Variants in NKAIN3 observed in about 807,000 individuals in gnomAD.
NKAIN3 encodes the protein sodium/potassium-transporting ATPase subunit beta-1-interacting protein 3.
NKAIN3 carries 25 observed loss-of-function variants against 30.2 expected under a neutral mutation model. The ratio of observed to expected loss-of-function variants is 0.83; its 90% CI spans 0.60 to 1.16. NKAIN3 has a LOEUF of 1.16. Ranked by LOEUF, NKAIN3 falls within the 50% of genes most tolerant of loss-of-function variation. NKAIN3 has a pLI of 0.00. For missense variants in NKAIN3, 225 were observed against 254.1 expected, an observed-to-expected ratio of 0.89 and a Z score of 0.78; for synonymous variants, 91 against 89.6, an observed-to-expected ratio of 1.02 and a Z score of -0.09.
At chr8:62,713,361 C>G (rs956813468) in intron 3 of NKAIN3, among the ~76,000 whole-genome samples, 1 of 152,188 alleles carries the variant, frequency 6.6e-6, no homozygotes, top group Non-Finnish European at 1.5e-5. Flanking sequence ...AGAACTACAG[C>G]ATTTGCACAT....
chr8:62,737,864 T>C (rs575108289), intron 3 of NKAIN3, among the ~76,000 whole-genome samples: 1 of 152,316 alleles, frequency 6.6e-6, no homozygotes, highest in African/African-American at 2.4e-5. Flanking sequence ...GATCTGCTGG[T>C]ATGAGCTTCA....
chr8:62,478,702 A>G (rs1806599557), intron 1 of NKAIN3, among the ~76,000 whole-genome samples: 1 of 152,336 alleles, frequency 6.6e-6, no homozygotes, highest in Non-Finnish European at 1.5e-5. Context: ...GAAAGGTTTT[A>G]AAAAATATTT....
intron 4 of NKAIN3, among the ~76,000 whole-genome samples, chr8:62,881,243 A>G (rs967875709): frequency 6.6e-6 from 1 of 152,238 alleles, no homozygotes; most frequent in Non-Finnish European, 1.5e-5. Flanking sequence ...AGTATCATAC[A>G]GAATAGTTTC....
At chr8:62,586,145 C>T (rs1036558280) in intron 2 of NKAIN3, among the ~76,000 whole-genome samples, 5 of 152,158 alleles carry the variant, frequency 3.3e-5, no homozygotes, top group East Asian at 1.9e-4. Context: ...TGCAAATGCT[C>T]ATGTGCAAAG....
chr8:62,793,308 T>C lies in NKAIN3; in HGVS notation c.471+46179T>C, dbSNP rs114353185. Reference sequence around the variant, plus strand: ...TTGCTGGTTTTTTTGTAAATTTCATTTTTCTTTCTCCGTCAATTGACATTT... The same window carrying C: ...TTGCTGGTTTTTTTGTAAATTTCATCTTTCTTTCTCCGTCAATTGACATTT... On this transcript the variant is annotated intron_variant, in intron 4 of 6. Transcript: ENST00000623646. Among the ~76,000 whole-genome samples the C allele has an allele frequency of 5.3e-3, 801 of 152,184 alleles. 6 individuals are homozygous for C. Among genetic ancestry groups the C allele is most frequent in the African/African-American group, 0.018 (732 of 41,532 alleles).
intron 1 of NKAIN3, among the ~76,000 whole-genome samples, chr8:62,403,766 G>A (rs1407697113): frequency 2.0e-5 from 3 of 152,220 alleles, no homozygotes; most frequent in Admixed American, 6.5e-5. Flanking sequence ...GAAATGTGGG[G>A]TCAGAGCCCC....
At chr8:62,454,356 T>C (rs1003806981) in intron 1 of NKAIN3, among the ~76,000 whole-genome samples, 1 of 140,230 alleles carries the variant, frequency 7.1e-6, no homozygotes, top group African/African-American at 2.6e-5. Context: ...AAGAAAGTTT[T>C]TGAATTTGTG....
chr8:62,737,133 C>T (rs1320169209), intron 3 of NKAIN3, among the ~76,000 whole-genome samples: 1 of 152,136 alleles, frequency 6.6e-6, no homozygotes, highest in Non-Finnish European at 1.5e-5. Flanking sequence ...TGCAGTAGAC[C>T]TTGGAGCAAA....
chr8:62,772,768 C>T (rs1043657690), intron 4 of NKAIN3, among the ~76,000 whole-genome samples: 1 of 151,246 alleles, frequency 6.6e-6, no homozygotes, highest in African/African-American at 2.4e-5. Flanking sequence ...TCAAGCGATT[C>T]TTTTGCCTCA....
chr8:62,575,567 C>T (rs556147784), intron 1 of NKAIN3, among the ~76,000 whole-genome samples: 1 of 152,146 alleles, frequency 6.6e-6, no homozygotes, highest in South Asian at 2.1e-4. Flanking sequence ...CTGAGGTGCT[C>T]TCTACCAAAA....
chr8:62,457,707 C>T (rs1805861768), intron 1 of NKAIN3, among the ~76,000 whole-genome samples: 1 of 152,072 alleles, frequency 6.6e-6, no homozygotes, highest in African/African-American at 2.4e-5. Flanking sequence ...GTACAGTTTA[C>T]CATTGATTTA....
intron 1 of NKAIN3, among the ~76,000 whole-genome samples, chr8:62,565,341 T>C (rs1342608914): frequency 1.3e-5 from 2 of 148,642 alleles, no homozygotes; most frequent in East Asian, 4.0e-4. Flanking sequence ...TATGTGCATA[T>C]GTATACATGG....
chr8:62,468,009 G>A (rs896562920), intron 1 of NKAIN3, among the ~76,000 whole-genome samples: 17 of 152,080 alleles, frequency 1.1e-4, no homozygotes, highest in African/African-American at 1.7e-4. Flanking sequence ...CTGAGCTCCA[G>A]TGATCCACCC....
chr8:62,447,489 AC>A (rs775967907), intron 1 of NKAIN3, among the ~76,000 whole-genome samples: 1 of 152,014 alleles, frequency 6.6e-6, no homozygotes, highest in Non-Finnish European at 1.5e-5. Flanking sequence ...GTCTAGGTGA[AC>A]CCATTGTTTT....
chr8:62,884,477 G>A lies in NKAIN3; in HGVS notation c.472-33976G>A, dbSNP rs571895602. 3.9e-5 allele frequency among the ~76,000 whole-genome samples: 6 copies of A among 152,152 alleles called. No individual in the cohort carries two copies. In the South Asian group the frequency reaches 1.2e-3, roughly 32 times the overall value. ...TCTCCATGTTGGTCAGGCTGGTCTCGAACCCCCGACCTCAAGTGATCTGCC... is the reference window on the plus strand; with the variant it reads ...TCTCCATGTTGGTCAGGCTGGTCTCAAACCCCCGACCTCAAGTGATCTGCC... On this transcript the variant is annotated intron_variant, in intron 4 of 6. Coordinates refer to ENST00000623646, the MANE Select transcript of NKAIN3 (RefSeq NM_001304533.3).
At chr8:62,863,660 A>G (rs1241810963) in intron 4 of NKAIN3, 2 of 1,364,892 alleles carry the variant, frequency 1.5e-6, no homozygotes, top group Non-Finnish European at 2.1e-6. Flanking sequence ...ACTTTCTCGA[A>G]CACATTTGAG....
At chr8:62,402,868 C>A (rs1286925935) in intron 1 of NKAIN3, among the ~76,000 whole-genome samples, 1 of 152,088 alleles carries the variant, frequency 6.6e-6, no homozygotes. Flanking sequence ...GGGTAACAGG[C>A]AGAGGTTGGA....
chr8:62,281,232 A>G (rs1401295609), intron 1 of NKAIN3, among the ~76,000 whole-genome samples: 1 of 151,892 alleles, frequency 6.6e-6, no homozygotes, highest in Non-Finnish European at 1.5e-5. Flanking sequence ...CCCCTCTATC[A>G]TTTTTTATTG....
At chr8:62,700,038 G>A (rs1814283150) in intron 3 of NKAIN3, among the ~76,000 whole-genome samples, 1 of 152,006 alleles carries the variant, frequency 6.6e-6, no homozygotes, top group African/African-American at 2.4e-5. Flanking sequence ...GCTAAAGTAG[G>A]CACTAGAGCC....
Sources: allele counts gnomAD v4.1 joint callset (sites outside exome capture counted in the v4.1 genomes callset), GRCh38; gene constraint gnomAD v4.1.1; transcripts MANE v1.5; gene names NCBI Gene and HGNC (gene_info 2026-07-23, HGNC 2026-07-21).